ATP13A5: variants seen among roughly 807,000 people sequenced by gnomAD.
The protein encoded by ATP13A5 is ATPase 13A5.
In ATP13A5, 149 loss-of-function variants were observed where a neutral mutation model predicts 150.2. The observed-to-expected ratio is 0.99, with a 90% CI of 0.87 to 1.14. The LOEUF is 1.14. Ranked by LOEUF, ATP13A5 falls within the 50% of genes most tolerant of loss-of-function variation. ATP13A5 has a pLI of 0.00. For synonymous variants in ATP13A5, 497 were observed against 522.2 expected, an observed-to-expected ratio of 0.95 and a Z score of 0.66; for missense variants, 1,383 against 1,449.3, an observed-to-expected ratio of 0.95 and a Z score of 0.74.
chr3:193,336,574 T>G (rs1413114173), intron 9 of ATP13A5, among the ~76,000 whole-genome samples: 1 of 152,246 alleles, frequency 6.6e-6, no homozygotes, highest in East Asian at 1.9e-4. Context: ...ACTCATCCGT[T>G]TTTATGGCTG....
chr3:193,299,705 C>T lies in ATP13A5; in HGVS notation c.2776-502G>A, dbSNP rs149372595. Among the ~76,000 whole-genome samples, 567 of 152,216 alleles carry T rather than the reference C, an allele frequency of 3.7e-3. 4 individuals carry two copies. Among genetic ancestry groups the T allele is most frequent in the South Asian group, 0.021 (100 of 4,828 alleles). ...AAGTAAGCCCATTGCAGAATTCAGT[C>T]GGGTACATCTGCCTTTTTAAGGTTT... On this transcript the variant is annotated intron_variant, in intron 24 of 29. Transcript: ENST00000342358.
chr3:193,288,343 C>T (rs568918506), intron 26 of ATP13A5, among the ~76,000 whole-genome samples: 96 of 152,206 alleles, frequency 6.3e-4, no homozygotes, highest in Non-Finnish European at 3.7e-4. Context: ...AAGAGTCAAT[C>T]AGTGAGGCAA....
chr3:193,314,514 G>A (rs953929585), intron 18 of ATP13A5, among the ~76,000 whole-genome samples: 11 of 152,154 alleles, frequency 7.2e-5, no homozygotes, highest in Non-Finnish European at 1.6e-4. Flanking sequence ...ATCTCAGCCT[G>A]ATAGCTTAAA....
chr3:193,375,983 C>T (rs1045514275), intron 1 of ATP13A5, among the ~76,000 whole-genome samples: 3 of 152,106 alleles, frequency 2.0e-5, no homozygotes, highest in Non-Finnish European at 2.9e-5. Flanking sequence ...ATAATGAATG[C>T]GAGTAGAAGT....
chr3:193,277,008 AC>A (rs1668861370), intron 28 of ATP13A5, among the ~76,000 whole-genome samples, 178 bp from the exon 29 acceptor site: 1 of 152,186 alleles, frequency 6.6e-6, no homozygotes, highest in South Asian at 2.1e-4. Context: ...AAATGGCAGA[AC>A]CAGAATTCAA....
chr3:193,353,361 C>T (rs1389445286), intron 6 of ATP13A5, among the ~76,000 whole-genome samples: 1 of 148,260 alleles, frequency 6.7e-6, no homozygotes, highest in Non-Finnish European at 1.5e-5. Context: ...TTTTTAAAAA[C>T]AAAAACAAAA....
At chr3:193,334,517 A>C (rs770302807) in intron 10 of ATP13A5, among the ~76,000 whole-genome samples, 5 of 152,296 alleles carry the variant, frequency 3.3e-5, no homozygotes, top group Middle Eastern at 3.4e-3. Context: ...TCTATAGGGC[A>C]CCCAGGTGGA....
rs772091429 is a variant in ATP13A5 at position 193,276,780 on chromosome 3, G to C, written c.3366C>G (p.Leu1122=). 6.2e-7 allele frequency: 1 copy of C among 1,613,104 alleles called. No homozygotes were observed. Among genetic ancestry groups the C allele is most frequent in the African/African-American group, 1.3e-5 (1 of 74,890 alleles). Residue 1122 remains leucine (L), a synonymous_variant, in exon 29 of 30, where the codon CTC becomes CTG. Coordinates refer to ENST00000342358, the MANE Select transcript of ATP13A5 (RefSeq NM_198505.4). ...SWRVLILVVA[L]TQFCVAFFVE... The stretch of plus-strand genomic sequence containing the variant: ...CAAAGAAAGCCACACAGAATTGGGT[G>C]AGGGCTACCACCAAAATTAAAACCC...
chr3:193,341,139 A>G (rs1340931768), intron 9 of ATP13A5, among the ~76,000 whole-genome samples: 1 of 151,274 alleles, frequency 6.6e-6, no homozygotes, highest in East Asian at 2.0e-4. Context: ...TATAGTGCCA[A>G]GAGATAATTT....
intron 28 of ATP13A5, among the ~76,000 whole-genome samples, chr3:193,278,018 G>A (rs1328400620): frequency 2.0e-5 from 3 of 152,092 alleles, no homozygotes; most frequent in Non-Finnish European, 2.9e-5. Flanking sequence ...TGGCCAGGCT[G>A]GTCTTGAACT....
chr3:193,342,009 C>T (rs1712147807), intron 9 of ATP13A5, among the ~76,000 whole-genome samples: 1 of 152,140 alleles, frequency 6.6e-6, no homozygotes, highest in Admixed American at 6.6e-5. Context: ...GGAGCGAATG[C>T]CACCTCCAAT....
At chr3:193,346,160 T>A (rs1419521077) in intron 7 of ATP13A5, among the ~76,000 whole-genome samples, 4 of 152,176 alleles carry the variant, frequency 2.6e-5, no homozygotes, top group African/African-American at 9.7e-5. Context: ...TAAGGTATTT[T>A]ATTCTTATAG....
intron 27 of ATP13A5, among the ~76,000 whole-genome samples, chr3:193,279,860 A>G (rs1038998715): frequency 6.6e-6 from 1 of 151,642 alleles, no homozygotes; most frequent in African/African-American, 2.4e-5. Context: ...TCTGGTCCCA[A>G]TCAGCCTTTC....
In ATP13A5 at chr3:193,332,430, G is replaced by A. The variant is rs887002408; in HGVS notation, c.1273-1119C>T. Among the ~76,000 whole-genome samples, 19 of 152,180 alleles carry A rather than the reference G, an allele frequency of 1.2e-4. 1 individual carries two copies. The highest frequency in any genetic ancestry group is 2.9e-5 in the Non-Finnish European group (2 of 68,038). ...GGCTCACACAATTAAGGTCAGGGAT[G>A]AGGTCAAATCACAGGGTTGACTGAT... On this transcript the variant is annotated intron_variant, in intron 11 of 29. Coordinates refer to ENST00000342358, the MANE Select transcript of ATP13A5 (RefSeq NM_198505.4).
At chr3:193,293,258 G>A (rs1718038171) in intron 25 of ATP13A5, among the ~76,000 whole-genome samples, 1 of 152,084 alleles carries the variant, frequency 6.6e-6, no homozygotes, top group Admixed American at 6.6e-5. Flanking sequence ...CCATTTATGA[G>A]GATCCCCCCA....
intron 27 of ATP13A5, among the ~76,000 whole-genome samples, chr3:193,282,325 T>C (rs1353994879): frequency 1.3e-5 from 2 of 152,174 alleles, no homozygotes; most frequent in Non-Finnish European, 2.9e-5. Flanking sequence ...TTAATAAATA[T>C]AATGGGAAAG....
chr3:193,310,784 G>T (rs1718814678), intron 20 of ATP13A5, 67 bp from the exon 21 acceptor site: 3 of 1,289,480 alleles, frequency 2.3e-6, no homozygotes, highest in Non-Finnish European at 3.2e-6. Flanking sequence ...TAAAAGAACA[G>T]CCCTGAAAAA....
In ATP13A5 at chr3:193,351,162, T is replaced by A. The variant is rs373260224; in HGVS notation, c.646A>T (p.Thr216Ser). The A allele has an allele frequency of 3.7e-6, 6 of 1,613,728 alleles. No individual in the cohort carries two copies. The highest frequency in any genetic ancestry group is 5.1e-6 in the Non-Finnish European group (6 of 1,179,748). ...PFYVFQAFTL[T>S]LWLSQGYIEY... ...ATGTAACCTTGAGACAGCCACAAAG[T>A]TAGGGTGAAGGCTTGGAACACATAG... is the stretch of plus-strand genomic sequence containing the variant. The change falls in exon 7 of 30, where the codon ACT becomes TCT. Residue 216 changes from threonine (T) to serine (S), a missense_variant. Thr to Ser is a moderately conservative substitution (Grantham distance 58, BLOSUM62 1). This residue lies in a region of ATP13A5 where 787 missense variants were observed against 771.9 expected (regional missense o/e 1.02). Transcript: ENST00000342358.
At chr3:193,343,189 A>T (rs957906577) in intron 9 of ATP13A5, among the ~76,000 whole-genome samples, 3 of 152,202 alleles carry the variant, frequency 2.0e-5, no homozygotes, top group Non-Finnish European at 4.4e-5. Context: ...CTGTAAGCAT[A>T]AAAGACAAAG....
Sources: gnomAD v4.1 joint callset for allele counts (sites outside exome capture counted in the v4.1 genomes callset) on GRCh38, gnomAD v4.1.1 for gene constraint, gnomAD v4.1.1 regional missense constraint, MANE v1.5 for transcripts, NCBI Gene and HGNC (gene_info 2026-07-23, HGNC 2026-07-21) for gene names.